RNF216: variants seen among roughly 807,000 people sequenced by gnomAD.
The protein encoded by RNF216 is ring finger protein 216.
RNF216 carries 72 observed loss-of-function variants against 110.8 expected under a neutral mutation model. The observed-to-expected ratio is 0.65, with a 90% CI of 0.54 to 0.79. The LOEUF (loss-of-function observed/expected upper bound fraction) is 0.79, where lower values mean the gene tolerates loss of function less well. Ranked by LOEUF, RNF216 falls within the 30% of genes least tolerant of loss-of-function variation. The probability of loss-of-function intolerance (pLI) is 0.00; values close to 1 mark genes in which losing one functional copy is unlikely to be tolerated. For synonymous variants in RNF216, 495 were observed against 407.5 expected (o/e 1.21, Z -2.59); for missense variants, 1,342 against 1,141.2 (o/e 1.18, Z -2.54).
chr7:5,639,763 A>G (rs1324428266), intron 15 of RNF216, among the ~76,000 whole-genome samples: 4 of 134,800 alleles, frequency 3.0e-5, no homozygotes, highest in Admixed American at 7.5e-5. Context: ...CCTAGCCTTA[A>G]TTTTTTTTTT....
intron 1 of RNF216, among the ~76,000 whole-genome samples, chr7:5,780,664 C>CA (rs1797031188): frequency 6.6e-6 from 1 of 151,860 alleles, no homozygotes; most frequent in Admixed American, 6.6e-5. Flanking sequence ...GGGATCGCGC[C>CA]ACTGCACTCC....
chr7:5,652,802 C>T (rs1015780343), intron 13 of RNF216, among the ~76,000 whole-genome samples: 2 of 151,770 alleles, frequency 1.3e-5, no homozygotes, highest in Non-Finnish European at 2.9e-5. Flanking sequence ...AAAAAAAAGA[C>T]AAAGAGTTGG....
chr7:5,674,133 G>A (rs980592438), intron 13 of RNF216, among the ~76,000 whole-genome samples: 19 of 151,668 alleles, frequency 1.3e-4, no homozygotes, highest in Middle Eastern at 6.8e-3. Flanking sequence ...GGGTTCAAAC[G>A]ATTCTCCTGC....
chr7:5,781,498 G>C (rs1797090651), intron 1 of RNF216, 43 bp downstream of exon 1: 1 of 141,970 alleles, frequency 7.0e-6, no homozygotes, highest in Admixed American at 7.4e-5. Flanking sequence ...TCGCCTCACA[G>C]ACCCGCCCAG....
At chr7:5,727,087 C>G (rs1217224305) in intron 7 of RNF216, among the ~76,000 whole-genome samples, 1 of 152,132 alleles carries the variant, frequency 6.6e-6, no homozygotes, top group Non-Finnish European at 1.5e-5. Flanking sequence ...GGGTGCAGGG[C>G]AGGCTGGGGT....
intron 13 of RNF216, among the ~76,000 whole-genome samples, chr7:5,666,181 A>C (rs1055690917): frequency 7.3e-5 from 11 of 151,156 alleles, no homozygotes; most frequent in Non-Finnish European, 1.2e-4. Context: ...AAAAAAAAAA[A>C]AAAATCCGAA....
chr7:5,646,801 T>C (rs1052663091), intron 14 of RNF216, among the ~76,000 whole-genome samples: 1 of 151,026 alleles, frequency 6.6e-6, no homozygotes, highest in African/African-American at 2.4e-5. Flanking sequence ...AAAAAAAAAA[T>C]GAAAGAACCA....
At chr7:5,647,289 T>A (rs186880126) in intron 14 of RNF216, among the ~76,000 whole-genome samples, 2 of 151,992 alleles carry the variant, frequency 1.3e-5, no homozygotes, top group East Asian at 1.9e-4. Flanking sequence ...TGCAGCTGAC[T>A]TGCCATGTCC....
intron 13 of RNF216, among the ~76,000 whole-genome samples, chr7:5,701,017 G>A (rs915851994): frequency 2.0e-5 from 3 of 152,070 alleles, no homozygotes; most frequent in African/African-American, 7.2e-5. Flanking sequence ...AACCTTCTGA[G>A]TAGGAGTAAG....
rs1562791354 is a variant in RNF216 at position 5,652,432 on chromosome 7, T to C, written c.2140A>G (p.Ile714Val). 1 of 1,612,830 alleles carries C rather than the reference T, an allele frequency of 6.2e-7. No individual in the cohort carries two copies. ...TCEELAEKDD[I>V]KYRTSIEEKM... ...ACTCACATAGAGGTACGGTACTTGA[T>C]GTCGTCTTTTTCAGCCAGCTCTTCA... The change falls in exon 14 of 17, where the codon ATC (isoleucine) becomes GTC (valine). Residue 714 changes from isoleucine to valine, a missense_variant. Coordinates refer to ENST00000389902, the MANE Select transcript of RNF216 (RefSeq NM_207111.4).
intron 14 of RNF216, among the ~76,000 whole-genome samples, chr7:5,647,659 T>C (rs940391094): frequency 7.2e-5 from 11 of 152,108 alleles, no homozygotes; most frequent in Admixed American, 6.6e-4. Flanking sequence ...CCACTCCTGG[T>C]TCTTTGGGTT....
At chr7:5,734,825 A>AAACTAAATAAATAAAT (rs1794298553) in intron 5 of RNF216, among the ~76,000 whole-genome samples, 1 of 118,096 alleles carries the variant, frequency 8.5e-6, no homozygotes, top group Non-Finnish European at 1.8e-5. Flanking sequence ...ACTCTCTCTC[A>AAACTAAATAAATAAAT]AAATAAATAA....
chr7:5,689,419 G>A (rs1193480924), intron 13 of RNF216, among the ~76,000 whole-genome samples: 6 of 149,682 alleles, frequency 4.0e-5, no homozygotes, highest in Non-Finnish European at 7.4e-5. Flanking sequence ...ATCCAAAGCC[G>A]AGGAGGCAGG....
intron 10 of RNF216, 82 bp from the exon 11 acceptor site, chr7:5,715,272 C>A (rs1792975033): frequency 2.8e-6 from 4 of 1,420,592 alleles, no homozygotes; most frequent in East Asian, 4.6e-5. Context: ...CATCTCTCTG[C>A]CACCCCCCAC....
intron 14 of RNF216, among the ~76,000 whole-genome samples, chr7:5,649,264 C>A (rs6971940): frequency 2.6e-5 from 4 of 151,826 alleles, no homozygotes; most frequent in Middle Eastern, 3.2e-3. Flanking sequence ...TGGTAGCAGG[C>A]GCCTGTAATC....
chr7:5,758,308 A>C (rs1028609841), intron 2 of RNF216, among the ~76,000 whole-genome samples: 6 of 152,176 alleles, frequency 3.9e-5, no homozygotes, highest in Admixed American at 3.3e-4. Context: ...CCAAGTTAGA[A>C]TACATTATTA....
intron 3 of RNF216, among the ~76,000 whole-genome samples, chr7:5,746,952 A>G (rs551883366): frequency 5.6e-4 from 86 of 152,346 alleles, no homozygotes; most frequent in African/African-American, 1.8e-3. Flanking sequence ...ATTCTAAAAT[A>G]GCTTTTTTGA....
rs563272747 is a variant in RNF216, at chr7:5,624,288, C to T, written c.2383-163G>A. On this transcript the variant is annotated intron_variant, in intron 15 of 16. Coordinates refer to ENST00000389902, the MANE Select transcript of RNF216 (RefSeq NM_207111.4). The surrounding 1 kb of genome is among the most constrained non-coding windows in gnomAD (Gnocchi z 4.4). The stretch of plus-strand genomic sequence containing the variant: ...TGCACACCGTTCCTTCCTATTTCCC[C>T]GAAGGCCTCCTTCCTTCATCAGCCT... 3.3e-5 allele frequency among the ~76,000 whole-genome samples: 5 copies of T among 152,206 alleles called. No homozygotes were observed. The highest frequency in any genetic ancestry group is 7.2e-5 in the African/African-American group (3 of 41,462).
At chr7:5,742,586 CTTTTTTTTTTT>C (rs59545890) in intron 3 of RNF216, among the ~76,000 whole-genome samples, 5 of 65,988 alleles carry the variant, frequency 7.6e-5, no homozygotes, top group Admixed American at 2.4e-4. Context: ...GGTGAAAAAT[CTTTTTTTTTTT>C]TTTTTTTTTT....
Sources: allele counts gnomAD v4.1 joint callset (sites outside exome capture counted in the v4.1 genomes callset), GRCh38; gene constraint gnomAD v4.1.1; non-coding constraint Gnocchi (gnomAD v3.1); transcripts MANE v1.5; gene names NCBI Gene and HGNC (gene_info 2026-07-23, HGNC 2026-07-21).